ZNF257: variants seen among roughly 807,000 people sequenced by gnomAD.
The protein encoded by ZNF257 is zinc finger protein 257.
Under a neutral mutation model 11.9 loss-of-function variants are expected in ZNF257, and 12 were observed. The observed-to-expected ratio is 1.01, with a 90% CI of 0.65 to 1.63. The LOEUF is 1.63. Among genes scored for constraint, ZNF257 ranks in the 40% most tolerant of loss-of-function variants. ZNF257 has a pLI of 0.00. For missense variants in ZNF257, 580 were observed against 665.5 expected (o/e 0.87, Z 1.41); for synonymous variants, 183 against 222.7 (o/e 0.82, Z 1.59).
intron 1 of ZNF257, among the ~76,000 whole-genome samples, chr19:22,061,930 TAA>T (rs2021805276): frequency 6.6e-6 from 1 of 152,194 alleles, no homozygotes; most frequent in African/African-American, 2.4e-5. Flanking sequence ...TATGTTTATG[TAA>T]TAAATCACAT....
chr19:22,085,936 T>A (rs1418217106), intron 3 of ZNF257, among the ~76,000 whole-genome samples: 10 of 152,264 alleles, frequency 6.6e-5, no homozygotes, highest in South Asian at 4.1e-4. Flanking sequence ...CAGGCTTTTT[T>A]AATTATTAGT....
intron 3 of ZNF257, among the ~76,000 whole-genome samples, chr19:22,079,210 G>T (rs142713384): frequency 2.6e-5 from 4 of 152,084 alleles, no homozygotes; most frequent in Non-Finnish European, 5.9e-5. Context: ...TTCTTCACTC[G>T]TATTCTGTTC....
chr19:22,090,180 A>G lies in ZNF257; in HGVS notation c.*738A>G, dbSNP rs2022594520. 1 of 152,146 alleles carries G rather than the reference A, an allele frequency of 6.6e-6. No homozygotes were observed. The highest frequency in any genetic ancestry group is 1.5e-5 in the Non-Finnish European group (1 of 68,012). 9.4% of individuals were successfully genotyped at this position (152,146 alleles called of 1,614,324 possible). A position where few individuals can be genotyped will look rare whatever the true frequency, so the allele number is the denominator to read the frequency against. On this transcript the variant is annotated 3_prime_UTR_variant, in exon 4 of 4. Transcript: ENST00000594947. ...ACACATCAGAGAGTTCATACTTAAT[A>G]AAAGTATTATAAATACAATTACTGT...
chr19:22,070,411 A>G (rs1425049627), intron 1 of ZNF257, among the ~76,000 whole-genome samples: 1 of 152,144 alleles, frequency 6.6e-6, no homozygotes, highest in Non-Finnish European at 1.5e-5. Context: ...GGAATTATTA[A>G]ACACTTAGTA....
intron 3 of ZNF257, among the ~76,000 whole-genome samples, chr19:22,084,134 TC>T (rs1454417089): frequency 7.0e-6 from 1 of 141,948 alleles, no homozygotes; most frequent in Non-Finnish European, 1.5e-5. Flanking sequence ...GAGCAAGACT[TC>T]ATCTCAAAAA....
chr19:22,089,669 T>TA lies in ZNF257; in HGVS notation c.*228dup. On this transcript the variant is annotated 3_prime_UTR_variant, in exon 4 of 4. Coordinates refer to ENST00000594947, the MANE Select transcript of ZNF257 (RefSeq NM_033468.4). ...TAGCCTCTTCCCAGTTCTCAACTCT[T>TA]ACTAAACATGAGAACACATGTGGAA... 8.9e-7 allele frequency: 1 copy of TA among 1,122,724 alleles called. No homozygotes were observed. Among genetic ancestry groups the TA allele is most frequent in the East Asian group, 3.0e-5 (1 of 33,022 alleles). The allele number at this position is 1,122,724 out of a possible 1,614,324, so 69.5% of individuals were successfully genotyped here.
At position 22,052,549 on chromosome 19, in the gene ZNF257, A is replaced by G. The variant is rs1971728323; in HGVS notation, c.-84A>G. 3.3e-6 allele frequency: 5 copies of G among 1,514,914 alleles called. No homozygotes were observed. In the African/African-American group the frequency reaches 4.1e-5, roughly 13 times the overall value. The allele number at this position is 1,514,914 out of a possible 1,614,324, so 93.8% of individuals were successfully genotyped here. A position where few individuals can be genotyped will look rare whatever the true frequency, so the allele number is the denominator to read the frequency against. On this transcript the variant is annotated 5_prime_UTR_variant, in exon 1 of 4. Transcript: ENST00000594947. ...TCCCTGGTCTGTGTCCTCTTCTCCT[A>G]GGGGCCCAGCCTCTGTGGCCCTGTG...
At chr19:22,067,701 G>T (rs766140623) in intron 1 of ZNF257, among the ~76,000 whole-genome samples, 1 of 151,948 alleles carries the variant, frequency 6.6e-6, no homozygotes, top group East Asian at 1.9e-4. Flanking sequence ...TGGGCATGGT[G>T]GTGGGCGCCT....
intron 1 of ZNF257, among the ~76,000 whole-genome samples, chr19:22,071,309 A>G (rs1267739977): frequency 1.3e-5 from 2 of 152,112 alleles, no homozygotes; most frequent in Admixed American, 6.5e-5. Flanking sequence ...AGTATAAAGG[A>G]CAGAAATGGA....
chr19:22,070,139 G>A (rs996699350), intron 1 of ZNF257, among the ~76,000 whole-genome samples: 1 of 151,198 alleles, frequency 6.6e-6, no homozygotes. Context: ...TGTATTTTAG[G>A]GTCTTTTTAA....
chr19:22,063,082 T>C (rs1439288908), intron 1 of ZNF257, among the ~76,000 whole-genome samples: 2 of 152,136 alleles, frequency 1.3e-5, no homozygotes, highest in Non-Finnish European at 2.9e-5. Flanking sequence ...AGGATATATT[T>C]GTGTTCAGTC....
intron 3 of ZNF257, among the ~76,000 whole-genome samples, chr19:22,083,055 G>A (rs1178673650): frequency 1.3e-5 from 2 of 151,402 alleles, no homozygotes; most frequent in Non-Finnish European, 2.9e-5. Context: ...GTGTAGATGA[G>A]TAGCCACAAA....
chr19:22,074,485 G>A (rs2022181472), intron 3 of ZNF257: 1 of 152,072 alleles, frequency 6.6e-6, no homozygotes, highest in African/African-American at 2.4e-5. Context: ...TCAAGTAGCA[G>A]GGATTACAGG....
rs199724469 is a variant in ZNF257 at position 22,088,835 on chromosome 19, A to G, written c.1085A>G (p.His362Arg). ...AACCGGTCTTCACACCTTACTCAAC[A>G]TAAGATAATTCATACTAAAGAGAAA... ...AFNRSSHLTQ[H>R]KIIHTKEKPY... The change falls in exon 4 of 4, where the codon CAT becomes CGT. Residue 362 changes from histidine to arginine, a missense_variant. His to Arg is a conservative substitution (Grantham distance 29, BLOSUM62 0). Transcript: ENST00000594947. The G allele has an allele frequency of 4.5e-4, 733 of 1,613,596 alleles. No individual in the cohort carries two copies. The highest frequency in any genetic ancestry group is 6.2e-4 in the Admixed American group (37 of 59,978).
chr19:22,082,046 A>G (rs1447443664), intron 3 of ZNF257, among the ~76,000 whole-genome samples: 2 of 151,742 alleles, frequency 1.3e-5, no homozygotes, highest in Admixed American at 1.3e-4. Context: ...TGAAGATTAC[A>G]TAAAACATCT....
intron 1 of ZNF257, among the ~76,000 whole-genome samples, chr19:22,063,851 T>C (rs1242951872): frequency 1.3e-5 from 2 of 152,220 alleles, no homozygotes; most frequent in Non-Finnish European, 2.9e-5. Flanking sequence ...CATAGAGTTC[T>C]GTAGATATCC....
intron 1 of ZNF257, 74 bp downstream of exon 1, chr19:22,052,709 G>T (rs1971731426): frequency 6.4e-7 from 1 of 1,570,234 alleles, no homozygotes; most frequent in African/African-American, 1.4e-5. Flanking sequence ...CGCTGTGGCG[G>T]GACTCAGGCC....
chr19:22,076,062 T>C (rs1001922756), intron 3 of ZNF257, among the ~76,000 whole-genome samples: 1 of 152,168 alleles, frequency 6.6e-6, no homozygotes, highest in South Asian at 2.1e-4. Flanking sequence ...AGCTAGAATT[T>C]ACATGTTATG....
intron 1 of ZNF257, 82 bp from the exon 2 acceptor site, chr19:22,072,727 A>C: frequency 2.0e-6 from 3 of 1,508,638 alleles, no homozygotes; most frequent in Non-Finnish European, 1.8e-6. Flanking sequence ...TCTGCTCTTT[A>C]ATTACACCTT....
Sources: gnomAD v4.1 joint callset for allele counts (sites outside exome capture counted in the v4.1 genomes callset) on GRCh38, gnomAD v4.1.1 for gene constraint, MANE v1.5 for transcripts, NCBI Gene and HGNC (gene_info 2026-07-23, HGNC 2026-07-21) for gene names.